The following CSMD1 variants were observed in gnomAD, a reference collection of about 807,000 sequenced individuals.
CSMD1 encodes the protein CUB and Sushi multiple domains 1, also known as CUB and sushi domain-containing protein 1.
CSMD1 carries 213 observed loss-of-function variants against 417.5 expected under a neutral mutation model. The observed-to-expected ratio is 0.51, with a 90% CI of 0.46 to 0.57. The LOEUF (loss-of-function observed/expected upper bound fraction) is 0.57. CSMD1 is among the 20% of genes least tolerant of loss of function. The pLI, the probability that CSMD1 is intolerant of heterozygous loss-of-function variation, is 0.00. For synonymous variants in CSMD1, 2,862 were observed against 1,736.8 expected (o/e 1.65, Z -16.11); for missense variants, 6,923 against 4,529.7 (o/e 1.53, Z -15.17).
At chr8:4,359,310 T>C (rs543584420) in intron 3 of CSMD1, among the ~76,000 whole-genome samples, 1 of 152,346 alleles carries the variant, frequency 6.6e-6, no homozygotes, top group Non-Finnish European at 1.5e-5. Context: ...CTGCAGTGCA[T>C]TATTGTGCAG....
intron 1 of CSMD1, among the ~76,000 whole-genome samples, chr8:4,643,959 C>T (rs1015617579): frequency 6.6e-6 from 1 of 152,202 alleles, no homozygotes; most frequent in Non-Finnish European, 1.5e-5. Flanking sequence ...GCCACTCTGG[C>T]TCAGCGCCCT....
chr8:3,274,187 C>T (rs138412288), intron 26 of CSMD1, among the ~76,000 whole-genome samples: 1 of 150,566 alleles, frequency 6.6e-6, no homozygotes, highest in Non-Finnish European at 1.5e-5. Flanking sequence ...CGTTATGTAC[C>T]CAGTAGTCAT....
intron 12 of CSMD1, among the ~76,000 whole-genome samples, chr8:3,464,958 A>G (rs528936356): frequency 6.6e-6 from 1 of 152,252 alleles, no homozygotes; most frequent in East Asian, 1.9e-4. Flanking sequence ...GGAAATTATC[A>G]ATTCACACTC....
At chr8:4,211,035 A>C (rs1003645449) in intron 3 of CSMD1, among the ~76,000 whole-genome samples, 5 of 152,216 alleles carry the variant, frequency 3.3e-5, no homozygotes, top group Non-Finnish European at 2.9e-5. Context: ...AAATATTTTA[A>C]AATACAAACA....
At chr8:3,338,968 G>T (rs543369153) in intron 23 of CSMD1, among the ~76,000 whole-genome samples, 17 of 147,584 alleles carry the variant, frequency 1.2e-4, no homozygotes, top group African/African-American at 4.0e-4. Context: ...TATATCTCCC[G>T]ATGCTCTCCC....
intron 26 of CSMD1, among the ~76,000 whole-genome samples, chr8:3,255,946 C>T (rs137870464): frequency 2.0e-5 from 3 of 152,172 alleles, no homozygotes; most frequent in African/African-American, 7.2e-5. Flanking sequence ...AATCACCCAT[C>T]TTCTGCATCG....
intron 34 of CSMD1, among the ~76,000 whole-genome samples, chr8:3,189,459 T>C (rs1796282465): frequency 6.6e-6 from 1 of 152,236 alleles, no homozygotes; most frequent in African/African-American, 2.4e-5. Flanking sequence ...TAATCATGAT[T>C]GCGCTGGAGC....
chr8:3,312,463 C>G (rs1805424399), intron 23 of CSMD1, among the ~76,000 whole-genome samples: 1 of 152,104 alleles, frequency 6.6e-6, no homozygotes. Context: ...TTCCTCTTTC[C>G]TGTCAGAAAG....
intron 10 of CSMD1, among the ~76,000 whole-genome samples, chr8:3,524,296 C>T (rs562571669): frequency 1.6e-3 from 236 of 151,372 alleles, no homozygotes; most frequent in South Asian, 5.4e-3. Flanking sequence ...TGCACACACA[C>T]GTACACTCAG....
intron 1 of CSMD1, among the ~76,000 whole-genome samples, chr8:4,894,506 T>C (rs1020761276): frequency 6.7e-6 from 1 of 149,576 alleles, no homozygotes; most frequent in African/African-American, 2.5e-5. Context: ...TGAGCCGAGA[T>C]CGCACCATCG....
At chr8:4,133,736 G>GT (rs202238657) in intron 3 of CSMD1, among the ~76,000 whole-genome samples, 4,584 of 152,002 alleles carry the variant, frequency 0.03, 230 homozygotes, top group African/African-American at 0.1. Flanking sequence ...TATGGTTATG[G>GT]TTTTTTTTAT....
At chr8:3,870,442 T>C (rs1008008882) in intron 5 of CSMD1, among the ~76,000 whole-genome samples, 3 of 152,198 alleles carry the variant, frequency 2.0e-5, no homozygotes, top group Admixed American at 6.5e-5. Context: ...TATCTTTACA[T>C]GTTGGTGGGT....
Position 3,319,612 on chromosome 8 carries a change from A to G in CSMD1, c.3632-11109T>C, listed in dbSNP as rs191429540. On this transcript the variant is annotated intron_variant, in intron 23 of 69. Transcript: ENST00000635120. ...TCAACAATAACTTTTAAAAAGAAACATGAGAGTTTCTGTGAAATTGAATTA... is the reference window on the plus strand; with the variant it reads ...TCAACAATAACTTTTAAAAAGAAACGTGAGAGTTTCTGTGAAATTGAATTA... Among the ~76,000 whole-genome samples the G allele has an allele frequency of 8.3e-4, 127 of 152,248 alleles. No homozygotes were observed. The East Asian group carries it at 9.3e-3, about 11-fold the overall frequency.
chr8:4,815,807 T>C (rs1464032607), intron 1 of CSMD1, among the ~76,000 whole-genome samples: 1 of 152,094 alleles, frequency 6.6e-6, no homozygotes, highest in Non-Finnish European at 1.5e-5. Flanking sequence ...TTATAAATTA[T>C]TCAAGTAATG....
chr8:3,293,047 G>T (rs1356507400), intron 25 of CSMD1, among the ~76,000 whole-genome samples: 2 of 152,030 alleles, frequency 1.3e-5, no homozygotes, highest in Admixed American at 6.6e-5. Context: ...CTCAGCATTT[G>T]CTTGTGTGTA....
chr8:3,280,494 T>C (rs567213491), intron 26 of CSMD1, among the ~76,000 whole-genome samples: 1 of 152,318 alleles, frequency 6.6e-6, no homozygotes, highest in Admixed American at 6.5e-5. Context: ...CAGAAAATCC[T>C]TCATTTAAAT....
At chr8:3,420,338 G>A (rs1318972424) in intron 12 of CSMD1, among the ~76,000 whole-genome samples, 3 of 151,034 alleles carry the variant, frequency 2.0e-5, no homozygotes, top group African/African-American at 7.3e-5. Flanking sequence ...AGGAAAGGCA[G>A]TAACAATTCA....
chr8:4,637,081 C>T (rs1434948858), intron 2 of CSMD1, among the ~76,000 whole-genome samples: 2 of 152,118 alleles, frequency 1.3e-5, no homozygotes, highest in East Asian at 3.9e-4. Context: ...ACGGGTTGGT[C>T]TCCCTTGCTG....
intron 7 of CSMD1, among the ~76,000 whole-genome samples, chr8:3,687,813 C>T (rs1223640497): frequency 3.3e-5 from 5 of 152,296 alleles, no homozygotes; most frequent in South Asian, 2.1e-4. Context: ...AAGTCTCTCT[C>T]GAGAAAGGTA....
Sources: allele counts gnomAD v4.1 joint callset (sites outside exome capture counted in the v4.1 genomes callset), GRCh38; gene constraint gnomAD v4.1.1; transcripts MANE v1.5; gene names NCBI Gene and HGNC (gene_info 2026-07-23, HGNC 2026-07-21).